The following CCDC88C variants were observed in gnomAD, a reference collection of about 807,000 sequenced individuals.
CCDC88C encodes protein Daple.
A neutral mutation model predicts 198.8 loss-of-function variants in CCDC88C; 131 were observed. The observed-to-expected ratio is 0.66, with a 90% CI of 0.57 to 0.76. The LOEUF is 0.76. Among genes scored for constraint, CCDC88C ranks in the 30% least tolerant of loss-of-function variants. The pLI, the probability that CCDC88C is intolerant of heterozygous loss-of-function variation, is 0.00. For missense variants in CCDC88C, 2,553 were observed against 2,631.6 expected, an observed-to-expected ratio of 0.97 and a Z score of 0.65; for synonymous variants, 1,166 against 1,114.7, an observed-to-expected ratio of 1.05 and a Z score of -0.92.
Position 91,273,439 on chromosome 14 carries a change from G to A in CCDC88C, c.5273C>T (p.Thr1758Ile). 6.3e-7 allele frequency: 1 copy of A among 1,585,138 alleles called. No individual in the cohort carries two copies. The highest frequency in any genetic ancestry group is 8.6e-7 in the Non-Finnish European group (1 of 1,163,862). ...GQYVKPNFRL[T>I]EAEAPPSVAP... ...CACGCTGGGTGGGGCCTCGGCCTCAGTCAGTCTGAAGTTTGGCTTTACGTA... is the reference window on the plus strand; with the variant it reads ...CACGCTGGGTGGGGCCTCGGCCTCAATCAGTCTGAAGTTTGGCTTTACGTA... Residue 1758 changes from threonine to isoleucine, a missense_variant, in exon 30 of 30, where the codon ACT (threonine) becomes ATT (isoleucine). Around this residue, in one of 2 missense-constraint regions of CCDC88C, gnomAD observed 1,293 missense variants for 1,219.6 expected, o/e 1.06. Transcript: ENST00000389857. This position sits in a 1 kb window ranked among gnomAD's most constrained non-coding sequence, Gnocchi z 5.6.
chr14:91,374,152 G>A (rs2139935068), intron 3 of CCDC88C, among the ~76,000 whole-genome samples: 1 of 152,328 alleles, frequency 6.6e-6, no homozygotes, highest in Middle Eastern at 3.4e-3. Context: ...GAGAACAGAG[G>A]CTTTTTGGGA....
chr14:91,275,122 T>A (rs1889899149), intron 29 of CCDC88C, among the ~76,000 whole-genome samples: 1 of 152,034 alleles, frequency 6.6e-6, no homozygotes, highest in Non-Finnish European at 1.5e-5. Flanking sequence ...AGGAGGGAAG[T>A]CAGGTGTGTC....
At chr14:91,416,984 G>C in intron 1 of CCDC88C, 146 bp from the exon 2 acceptor site, 1 of 688,288 alleles carries the variant, frequency 1.5e-6, no homozygotes, top group Non-Finnish European at 2.6e-6. Flanking sequence ...CAGGCACCAA[G>C]CCCGGCCTTC....
chr14:91,320,091 A>G (rs1892296438), intron 13 of CCDC88C, among the ~76,000 whole-genome samples: 1 of 151,922 alleles, frequency 6.6e-6, no homozygotes, highest in Non-Finnish European at 1.5e-5. Context: ...TCCTGGCACA[A>G]GTTTCGAAAA....
chr14:91,337,143 G>C (rs1005261843), intron 10 of CCDC88C, among the ~76,000 whole-genome samples: 1 of 152,206 alleles, frequency 6.6e-6, no homozygotes, highest in African/African-American at 2.4e-5. Flanking sequence ...GAGGTTGTCA[G>C]GGTGAGTGGT....
At chr14:91,327,348 T>C (rs1596074708) in intron 10 of CCDC88C, among the ~76,000 whole-genome samples, 1 of 152,154 alleles carries the variant, frequency 6.6e-6, no homozygotes, top group Non-Finnish European at 1.5e-5. Context: ...TGGCAGGCGG[T>C]GAGGGGCTTG....
At chr14:91,285,555 G>A (rs936729782) in intron 25 of CCDC88C, 2 of 972,392 alleles carry the variant, frequency 2.1e-6, no homozygotes, top group Non-Finnish European at 2.8e-6. Flanking sequence ...ATTGGGGGCA[G>A]GAGGAGGGGT....
At chr14:91,328,726 G>A (rs1389003324) in intron 10 of CCDC88C, among the ~76,000 whole-genome samples, 7 of 152,182 alleles carry the variant, frequency 4.6e-5, no homozygotes, top group African/African-American at 1.4e-4. Flanking sequence ...ACAGGGTGAC[G>A]CGGAGCTCGG....
intron 21 of CCDC88C, among the ~76,000 whole-genome samples, chr14:91,299,122 T>C (rs1891161005): frequency 6.6e-6 from 1 of 152,222 alleles, no homozygotes; most frequent in African/African-American, 2.4e-5. Flanking sequence ...TCTGGCCACA[T>C]TTTTGTTACT....
intron 3 of CCDC88C, chr14:91,384,312 G>A (rs1778755087): frequency 2.2e-5 from 7 of 324,266 alleles, no homozygotes; most frequent in South Asian, 1.7e-4. Context: ...TTTATTTTAG[G>A]CTGCAAAAAC....
chr14:91,273,776 T>C lies in CCDC88C; in HGVS notation c.5059-123A>G, dbSNP rs374091647. The C allele has an allele frequency of 5.9e-3, 4,550 of 777,674 alleles. 19 individuals are homozygous for C. Among genetic ancestry groups the C allele is most frequent in the Non-Finnish European group, 7.4e-3 (4,060 of 549,858 alleles). The allele number at this position is 777,674 out of a possible 1,614,324, so 48.2% of individuals were successfully genotyped here. A position where few individuals can be genotyped will look rare whatever the true frequency, so the allele number is the denominator to read the frequency against. ...CTGGGACCGCAGTTCCTGCCTGCCT[T>C]CTCCGAGGCACATGTGCCGCCTCCA... On this transcript the variant is annotated intron_variant, in intron 29 of 29. Coordinates refer to ENST00000389857, the MANE Select transcript of CCDC88C (RefSeq NM_001080414.4). This position sits in a 1 kb window ranked among gnomAD's most constrained non-coding sequence, Gnocchi z 5.6.
chr14:91,306,833 C>G (rs533735262), intron 18 of CCDC88C, among the ~76,000 whole-genome samples: 112 of 152,362 alleles, frequency 7.4e-4, no homozygotes, highest in African/African-American at 2.7e-3. Flanking sequence ...GCCATGAAGG[C>G]TGTGTGTGCC....
chr14:91,307,194 G>T lies in CCDC88C; in HGVS notation c.3039C>A (p.Asn1013Lys). The change falls in exon 18 of 30, where the codon AAC becomes AAA. Residue 1013 changes from asparagine to lysine, a missense_variant. Coordinates refer to ENST00000389857, the MANE Select transcript of CCDC88C (RefSeq NM_001080414.4). ...LKKECETLRQNQGEGQHLQNS... is the reference protein window; with the variant it reads ...LKKECETLRQKQGEGQHLQNS... Reference sequence around the variant, plus strand: ...TCTGCAAGTGCTGCCCCTCTCCCTGGTTCTGCCTGAGGGTCTCACACTCCT... The same window carrying T: ...TCTGCAAGTGCTGCCCCTCTCCCTGTTTCTGCCTGAGGGTCTCACACTCCT... 1.2e-6 allele frequency: 2 copies of T among 1,613,762 alleles called. No homozygotes were observed. The highest frequency in any genetic ancestry group is 1.7e-6 in the Non-Finnish European group (2 of 1,179,878).
chr14:91,285,522 AC>A, intron 25 of CCDC88C: 3 of 635,572 alleles, frequency 4.7e-6, no homozygotes, highest in Non-Finnish European at 4.8e-6. Context: ...ATCAGAATCC[AC>A]GCTGGCTACT....
At chr14:91,308,558 C>A in intron 16 of CCDC88C, 66 bp from the exon 17 acceptor site, 1 of 1,495,864 alleles carries the variant, frequency 6.7e-7, no homozygotes, top group Non-Finnish European at 9.2e-7. Flanking sequence ...CCAGTGTCCT[C>A]GCTGCCAACA....
chr14:91,272,814 G>A lies in CCDC88C; in HGVS notation c.5898C>T (p.Asp1966=), dbSNP rs762623930. The change falls in exon 30 of 30, where the codon GAC becomes GAT. Residue 1966 remains aspartate (D), a synonymous_variant. Transcript: ENST00000389857. ...VRAGLSLSEG[D]GVPGQGCSEG... ...CACTGCAGCCCTGCCCCGGGACCCC[G>A]TCTCCCTCTGAGAGGCTGAGCCCTG... The A allele has an allele frequency of 1.7e-5, 27 of 1,597,062 alleles. No homozygotes were observed. The highest frequency in any genetic ancestry group is 1.4e-4 in the South Asian group (13 of 90,014).
At chr14:91,359,533 TTTCACTGTGCTGG>T (rs1227992762) in intron 4 of CCDC88C, 96 bp downstream of exon 4, 5 of 814,176 alleles carry the variant, frequency 6.1e-6, no homozygotes, top group Non-Finnish European at 1.0e-5. Context: ...GATCACGTGT[TTTCACTGTGCTGG>T]CCCAAGCTGG....
At chr14:91,406,832 T>C (rs1449003100) in intron 3 of CCDC88C, among the ~76,000 whole-genome samples, 3 of 152,224 alleles carry the variant, frequency 2.0e-5, no homozygotes, top group African/African-American at 7.2e-5. Flanking sequence ...CCCCTGCCTA[T>C]AGCATACACC....
intron 2 of CCDC88C, among the ~76,000 whole-genome samples, chr14:91,409,352 AT>A (rs1295900236): frequency 6.6e-6 from 1 of 150,994 alleles, no homozygotes; most frequent in Non-Finnish European, 1.5e-5. Context: ...TTTTTTTTTA[AT>A]TTTTTTTATA....
Sources: allele counts gnomAD v4.1 joint callset (sites outside exome capture counted in the v4.1 genomes callset), GRCh38; gene constraint gnomAD v4.1.1; regional missense constraint gnomAD v4.1.1; non-coding constraint Gnocchi (gnomAD v3.1); transcripts MANE v1.5; gene names NCBI Gene and HGNC (gene_info 2026-07-23, HGNC 2026-07-21).